Variants in CD99 observed in about 807,000 individuals in gnomAD.
CD99 encodes the protein CD99 molecule (Xg blood group), also known as CD99 antigen.
Under a neutral mutation model 28.4 loss-of-function variants are expected in CD99, and 19 were observed. The observed-to-expected ratio is 0.67, with a 90% CI of 0.47 to 0.98. The LOEUF (loss-of-function observed/expected upper bound fraction) is 0.98, where lower values mean the gene tolerates loss of function less well. Ranked by LOEUF, CD99 falls within the 50% of genes least tolerant of loss-of-function variation. The pLI, the probability that CD99 is intolerant of heterozygous loss-of-function variation, is 0.00. For missense variants in CD99, 283 were observed against 248.8 expected, an observed-to-expected ratio of 1.14 and a Z score of -0.92; for synonymous variants, 103 against 92.1, an observed-to-expected ratio of 1.12 and a Z score of -0.67.
At chrX:2,726,652 C>T (rs920495475) in intron 8 of CD99, among the ~76,000 whole-genome samples, 11 of 152,030 alleles carry the variant, frequency 7.2e-5, no homozygotes, top group South Asian at 2.1e-4. Context: ...ACATATGCCG[C>T]GGAATTGTTG....
At chrX:2,695,637 C>CTT (rs773294263) in intron 1 of CD99, among the ~76,000 whole-genome samples, 37,849 of 141,326 alleles carry the variant, frequency 0.27, 5,192 homozygotes, top group Non-Finnish European at 0.3. Flanking sequence ...AAAAAAAAGT[C>CTT]TTTTTTTTTT....
At chrX:2,697,566 G>A (rs1242919512) in intron 1 of CD99, among the ~76,000 whole-genome samples, 1 of 152,146 alleles carries the variant, frequency 6.6e-6, no homozygotes, top group Non-Finnish European at 1.5e-5. Flanking sequence ...ATTGATCCAC[G>A]AGGGGATGCT....
At chrX:2,716,327 C>G (rs2048714714) in intron 2 of CD99, among the ~76,000 whole-genome samples, 1 of 145,960 alleles carries the variant, frequency 6.9e-6, no homozygotes, top group African/African-American at 2.5e-5. Flanking sequence ...ACCCTCTTCA[C>G]TTTTTTATGT....
intron 9 of CD99, among the ~76,000 whole-genome samples, chrX:2,739,993 G>T (rs1018560918): frequency 6.6e-6 from 1 of 151,430 alleles, no homozygotes; most frequent in African/African-American, 2.4e-5. Context: ...TCAGAAGGCT[G>T]AGGCAGGAGA....
chrX:2,739,743 C>T (rs1281165142), intron 9 of CD99, among the ~76,000 whole-genome samples: 1 of 151,306 alleles, frequency 6.6e-6, no homozygotes, highest in African/African-American at 2.4e-5. Context: ...CATGAGCCAC[C>T]GTGCCTGGCA....
At chrX:2,694,279 G>T (rs866894132) in intron 1 of CD99, among the ~76,000 whole-genome samples, 39 of 141,100 alleles carry the variant, frequency 2.8e-4, no homozygotes, top group Admixed American at 1.4e-3. Flanking sequence ...GGGCTTCGTT[G>T]TTTTTTTTTT....
intron 9 of CD99, among the ~76,000 whole-genome samples, chrX:2,740,436 T>G (rs1297563748): frequency 1.3e-5 from 2 of 152,180 alleles, no homozygotes; most frequent in Non-Finnish European, 2.9e-5. Flanking sequence ...CCAGCATCAT[T>G]GCAAATCAAT....
chrX:2,717,529 A>G, intron 2 of CD99, 76 bp from the exon 3 acceptor site: 1 of 1,170,766 alleles, frequency 8.5e-7, no homozygotes, highest in Non-Finnish European at 1.3e-6. Context: ...AAAATGAAAC[A>G]TCCTTAACCA....
intron 1 of CD99, among the ~76,000 whole-genome samples, chrX:2,711,037 A>G (rs812201): frequency 0.27 from 40,591 of 149,502 alleles, 5,921 homozygotes; most frequent in African/African-American, 0.38. Flanking sequence ...CGCCTGGCCA[A>G]TTTTTTTGTA....
intron 2 of CD99, among the ~76,000 whole-genome samples, chrX:2,717,069 G>C (rs2048758600): frequency 1.3e-5 from 2 of 152,018 alleles, no homozygotes; most frequent in African/African-American, 4.8e-5. Context: ...GAGAAGGGCT[G>C]GGCACGGTGG....
intron 1 of CD99, among the ~76,000 whole-genome samples, chrX:2,697,121 G>C (rs1024045994): frequency 6.6e-6 from 1 of 152,102 alleles, no homozygotes; most frequent in Non-Finnish European, 1.5e-5. Context: ...TAAAGAAGCC[G>C]CATGGGCAAA....
intron 9 of CD99, among the ~76,000 whole-genome samples, chrX:2,738,965 A>G (rs2050076619): frequency 6.6e-6 from 1 of 151,882 alleles, no homozygotes; most frequent in East Asian, 1.9e-4. Flanking sequence ...CTCCCACCTC[A>G]GCCTCCTGAT....
rs767832470 is a variant in CD99, at chrX:2,703,063, A to G, written c.68-11359A>G. On this transcript the variant is annotated intron_variant, in intron 1 of 9. Coordinates refer to ENST00000381192, the MANE Select transcript of CD99 (RefSeq NM_002414.5). The stretch of plus-strand genomic sequence containing the variant: ...CTGGGCTTCCCAAAATGCTGGGATT[A>G]CAGGCGTGAGCCACCACACCTGGCC... Among the ~76,000 whole-genome samples the G allele has an allele frequency of 8.2e-4, 125 of 152,280 alleles. 1 individual carries two copies. Among genetic ancestry groups the G allele is most frequent in the African/African-American group, 2.3e-3 (95 of 41,556 alleles).
At chrX:2,691,987 G>T (rs1321770772) in intron 1 of CD99, 2 of 750,228 alleles carry the variant, frequency 2.7e-6, no homozygotes, top group South Asian at 2.8e-5. Flanking sequence ...GCGGGCTCCG[G>T]GAATTTCAGC....
intron 1 of CD99, among the ~76,000 whole-genome samples, chrX:2,695,597 AGACAGG>A (rs1381817203): frequency 6.6e-6 from 1 of 151,074 alleles, no homozygotes; most frequent in Non-Finnish European, 1.5e-5. Flanking sequence ...TTTTTTGTAG[AGACAGG>A]GTCTTGCTAT....
chrX:2,691,674 A>T (rs756640225), intron 1 of CD99: 4 of 704,040 alleles, frequency 5.7e-6, no homozygotes, highest in Non-Finnish European at 1.0e-5. Flanking sequence ...AAACTCTTAC[A>T]TGTGGGGCGG....
At position 2,703,671 on chromosome X, in the gene CD99, A is replaced by G. The variant is rs866985510; in HGVS notation, c.68-10751A>G. On this transcript the variant is annotated intron_variant, in intron 1 of 9. Coordinates refer to ENST00000381192, the MANE Select transcript of CD99 (RefSeq NM_002414.5). ...GTGTGTTGGCCTCACATCATTTTAC[A>G]GAGACACACAGGGCTCTGTGAACTG... is the stretch of plus-strand genomic sequence containing the variant. Among the ~76,000 whole-genome samples the G allele has an allele frequency of 1.9e-4, 29 of 151,206 alleles. 1 individual carries two copies. The highest frequency in any genetic ancestry group is 2.9e-5 in the Non-Finnish European group (2 of 67,968).
At chrX:2,717,935 CCCTT>C in intron 3 of CD99, 5 of 322,222 alleles carry the variant, frequency 1.6e-5, no homozygotes. Flanking sequence ...AGATTTTCTT[CCCTT>C]TTTTTTTTTT....
intron 2 of CD99, among the ~76,000 whole-genome samples, chrX:2,717,016 T>TG (rs1231787174): frequency 6.6e-6 from 1 of 152,174 alleles, no homozygotes; most frequent in African/African-American, 2.4e-5. Flanking sequence ...CCTGCCTTCC[T>TG]GGCTTATGTC....
Sources: gnomAD v4.1 joint callset for allele counts (sites outside exome capture counted in the v4.1 genomes callset) on GRCh38, gnomAD v4.1.1 for gene constraint, MANE v1.5 for transcripts, NCBI Gene and HGNC (gene_info 2026-07-23, HGNC 2026-07-21) for gene names.